The following RAPGEF3 variants were observed in gnomAD, a reference collection of about 807,000 sequenced individuals.
The protein encoded by RAPGEF3 is 9330170P05Rik.
RAPGEF3 carries 103 observed loss-of-function variants against 129.8 expected under a neutral mutation model. The observed-to-expected ratio is 0.79, with a 90% confidence interval of 0.68 to 0.93. The LOEUF is 0.93. RAPGEF3 is among the 40% of genes least tolerant of loss of function. RAPGEF3 has a pLI of 0.00. For missense variants in RAPGEF3, 1,117 were observed against 1,207.4 expected, an observed-to-expected ratio of 0.93 and a Z score of 1.11; for synonymous variants, 436 against 482.6, an observed-to-expected ratio of 0.90 and a Z score of 1.26.
At position 47,750,414 on chromosome 12, in the gene RAPGEF3, C is replaced by T. The variant is rs779519570; in HGVS notation, c.683G>A (p.Arg228His). ...GATGAGGTCCAGCTCTTCATCCGTG[C>T]GCTGACCTGGGCTGCAGGGACAGGA... ...TVALRKPPGQ[R>H]TDEELDLIFE... Residue 228 changes from arginine (R) to histidine (H), a missense_variant, in exon 7 of 28, where the codon CGC (arginine) becomes CAC (histidine). Transcript: ENST00000449771. The T allele has an allele frequency of 1.4e-5, 22 of 1,613,512 alleles. No individual in the cohort carries two copies. Among genetic ancestry groups the T allele is most frequent in the African/African-American group, 4.0e-5 (3 of 74,900 alleles).
intron 25 of RAPGEF3, 39 bp from the exon 26 acceptor site, chr12:47,738,286 A>G (rs1195442238): frequency 6.2e-7 from 1 of 1,609,918 alleles, no homozygotes; most frequent in East Asian, 2.2e-5. Flanking sequence ...TGCCTGAGGG[A>G]GAAACCCTGT....
rs757859331 is a variant in RAPGEF3 at position 47,751,082 on chromosome 12, G to GC, written c.636dup (p.Pro213AlafsTer2). The GC allele has an allele frequency of 6.3e-7, 1 of 1,594,434 alleles. No homozygotes were observed. The highest frequency in any genetic ancestry group is 8.5e-7 in the Non-Finnish European group (1 of 1,171,536). On this transcript the variant is annotated frameshift_variant, in exon 6 of 28. Transcript: ENST00000449771. LOFTEE classifies it high-confidence loss of function. ...AGTGCCACAGTGAGCAGGGCGTCAG[G>GC]CCCCCGCTGGGAGAGCAGGGCCACA... is the stretch of plus-strand genomic sequence containing the variant.
In RAPGEF3 at chr12:47,751,809, G is replaced by C; in HGVS notation, c.294C>G (p.Leu98=). Reference sequence around the variant, plus strand: ...GCCGATGCAGCTGCCTCCCAGCCCTGAGCACCCGCTCTGTGGAGGCCTTAG... The same window carrying C: ...GCCGATGCAGCTGCCTCCCAGCCCTCAGCACCCGCTCTGTGGAGGCCTTAG... ...SLEQASTERV[L]RAGRQLHRHL... is the part of the protein sequence containing the mutation. The change falls in exon 4 of 28, where the codon CTC becomes CTG. Residue 98 remains leucine (L), a synonymous_variant. Transcript: ENST00000449771. The C allele has an allele frequency of 6.2e-7, 1 of 1,614,180 alleles. No homozygotes were observed. The highest frequency in any genetic ancestry group is 1.7e-5 in the Admixed American group (1 of 60,036).
At chr12:47,744,258 CACA>C (rs1291400451) in intron 16 of RAPGEF3, 190 bp from the exon 17 acceptor site, 11 of 602,696 alleles carry the variant, frequency 1.8e-5, no homozygotes, top group Non-Finnish European at 3.3e-5. Flanking sequence ...CAGGAGAAGA[CACA>C]ACATGTCTAA....
At position 47,738,223 on chromosome 12, in the gene RAPGEF3, T is replaced by C. The variant is rs775014528; in HGVS notation, c.2551A>G (p.Met851Val). 10 of 1,613,410 alleles carry C rather than the reference T, an allele frequency of 6.2e-6. No homozygotes were observed. In the East Asian group the frequency reaches 2.2e-4, roughly 36 times the overall value. ...KMRMMARAAR[M>V]LHHCRSHNPV... is the part of the protein sequence containing the mutation. ...TTGTGGCTTCGGCAGTGGTGCAGCA[T>C]CCGCGCGGCTCTGGCCATCATTCTC... is the stretch of plus-strand genomic sequence containing the variant. The change falls in exon 26 of 28, where the codon ATG (methionine) becomes GTG (valine). Residue 851 changes from methionine (M) to valine (V), a missense_variant. Met to Val is a conservative substitution (Grantham distance 21). Around this residue, in one of 3 missense-constraint regions of RAPGEF3, gnomAD observed 643 missense variants for 673.4 expected, o/e 0.95. Transcript: ENST00000449771.
At chr12:47,756,822 A>G (rs551256980) in intron 2 of RAPGEF3, among the ~76,000 whole-genome samples, 1 of 152,268 alleles carries the variant, frequency 6.6e-6, no homozygotes, top group Admixed American at 6.5e-5. Flanking sequence ...TACAAAAATT[A>G]GCTGGGCGTG....
Position 47,743,631 on chromosome 12 carries a change from TGCAGGGTCAACACTGAGTGGTCTGGCCG to T in RAPGEF3, c.1696_1723del (p.Arg566SerfsTer4). ...TCTCACGGAGGCTGTCACAGGCAGC[TGCAGGGTCAACACTGAGTGGTCTGGCCG>T]GCAGATGTCATAGGGGACTGAAGAG... On this transcript the variant is annotated frameshift_variant, in exon 18 of 28. Transcript: ENST00000449771. LOFTEE classifies it high-confidence loss of function. The T allele has an allele frequency of 1.2e-6, 2 of 1,613,782 alleles. No homozygotes were observed. The highest frequency in any genetic ancestry group is 2.2e-5 in the South Asian group (2 of 91,074).
chr12:47,750,119 T>C lies in RAPGEF3; in HGVS notation c.757-129A>G, dbSNP rs531138970. 1.5e-4 allele frequency: 182 copies of C among 1,215,132 alleles called. 1 individual carries two copies. In the African/African-American group the frequency reaches 2.5e-3, roughly 17 times the overall value. 75.3% of individuals were successfully genotyped at this position (1,215,132 alleles called of 1,614,324 possible). A position where few individuals can be genotyped will look rare whatever the true frequency, so the allele number is the denominator to read the frequency against. ...ACAAAGATGTGGCCAGGTCAGGTGTTCCCAGGATTCAGCAGGAGACAAAGC... is the reference window on the plus strand; with the variant it reads ...ACAAAGATGTGGCCAGGTCAGGTGTCCCCAGGATTCAGCAGGAGACAAAGC... On this transcript the variant is annotated intron_variant, in intron 7 of 27. Coordinates refer to ENST00000449771, the MANE Select transcript of RAPGEF3 (RefSeq NM_001098531.4).
At chr12:47,746,980 C>A in intron 15 of RAPGEF3, 81 bp from the exon 16 acceptor site, 2 of 1,355,404 alleles carry the variant, frequency 1.5e-6, no homozygotes, top group Non-Finnish European at 1.0e-6. Flanking sequence ...GCTCTGGATT[C>A]TCCCCGGCCC....
At position 47,740,375 on chromosome 12, in the gene RAPGEF3, A is replaced by C; in HGVS notation, c.2252T>G (p.Leu751Arg). The change falls in exon 22 of 28, where the codon CTC becomes CGC. Residue 751 changes from leucine (L) to arginine (R), a missense_variant. Leu to Arg is a moderately radical substitution (Grantham distance 102). Coordinates refer to ENST00000449771, the MANE Select transcript of RAPGEF3 (RefSeq NM_001098531.4). ...AAACATGACGGCAAAGAAGGAATTG[A>C]GATTCTTCTGCTCCTTGAGGCTGTG... ...LAAHLKEQKN[L>R]NSFFAVMFGL... 25 of 1,614,038 alleles carry C rather than the reference A, an allele frequency of 1.5e-5. No individual in the cohort carries two copies. The highest frequency in any genetic ancestry group is 2.0e-5 in the Non-Finnish European group (24 of 1,180,016).
intron 4 of RAPGEF3, 91 bp from the exon 5 acceptor site, chr12:47,751,611 A>C (rs1419896924): frequency 1.9e-6 from 3 of 1,600,728 alleles, no homozygotes; most frequent in Non-Finnish European, 2.6e-6. Context: ...CTGAGGCCCA[A>C]GCCTGGTTCG....
At chr12:47,740,276 C>T in intron 22 of RAPGEF3, 29 bp downstream of exon 22, 1 of 1,613,314 alleles carries the variant, frequency 6.2e-7, no homozygotes, top group South Asian at 1.1e-5. Context: ...GGCCTGACCT[C>T]AGGAGGGGGC....
chr12:47,748,977 T>C (rs1178790555), intron 10 of RAPGEF3, 46 bp from the exon 11 acceptor site: 2 of 1,464,266 alleles, frequency 1.4e-6, no homozygotes, highest in Non-Finnish European at 1.9e-6. Context: ...ATGTTCCAGC[T>C]TTAGACCCTC....
intron 2 of RAPGEF3, among the ~76,000 whole-genome samples, chr12:47,757,532 C>T (rs532410697): frequency 5.7e-4 from 87 of 152,300 alleles, no homozygotes; most frequent in African/African-American, 2.0e-3. Flanking sequence ...ACCCGGCCCC[C>T]ATACCTCCCA....
Position 47,749,878 on chromosome 12 carries a change from T to G in RAPGEF3, c.817+52A>C. 6.2e-7 allele frequency: 1 copy of G among 1,613,808 alleles called. No homozygotes were observed. The highest frequency in any genetic ancestry group is 8.5e-7 in the Non-Finnish European group (1 of 1,179,666). On this transcript the variant is annotated intron_variant, in intron 8 of 27. Coordinates refer to ENST00000449771, the MANE Select transcript of RAPGEF3 (RefSeq NM_001098531.4). This position sits in a 1 kb window ranked among gnomAD's most constrained non-coding sequence, Gnocchi z 4.5. Reference sequence around the variant, plus strand: ...CACCTACCATTCCTTCACACATCCTTCTGCCCATGTCCAGGCCCTGTGCCT... The same window carrying G: ...CACCTACCATTCCTTCACACATCCTGCTGCCCATGTCCAGGCCCTGTGCCT...
Position 47,750,107 on chromosome 12 carries a change from C to G in RAPGEF3, c.757-117G>C. On this transcript the variant is annotated intron_variant, in intron 7 of 27. Transcript: ENST00000449771. ...AAGTGCTGGGGGACAAAGATGTGGC[C>G]AGGTCAGGTGTTCCCAGGATTCAGC... 4 of 1,280,288 alleles carry G rather than the reference C, an allele frequency of 3.1e-6. No homozygotes were observed. The South Asian group carries it at 4.8e-5, about 15-fold the overall frequency. 79.3% of individuals were successfully genotyped at this position (1,280,288 alleles called of 1,614,324 possible).
At chr12:47,740,454 C>G in intron 21 of RAPGEF3, 59 bp from the exon 22 acceptor site, 1 of 1,556,104 alleles carries the variant, frequency 6.4e-7, no homozygotes, top group South Asian at 1.1e-5. Context: ...CCTACAGTGC[C>G]CCCAGACAAC....
In RAPGEF3 at chr12:47,735,420, T is replaced by A. The variant is rs1489574766; in HGVS notation, c.*2147A>T. On this transcript the variant is annotated 3_prime_UTR_variant, in exon 28 of 28. Transcript: ENST00000449771. Reference sequence around the variant, plus strand: ...TGGGGCCACCGTAACATGGAGCCTTTCCCCGCTTTTGGGCCTCCTGTCCTC... The same window carrying A: ...TGGGGCCACCGTAACATGGAGCCTTACCCCGCTTTTGGGCCTCCTGTCCTC... 2 of 152,270 alleles carry A rather than the reference T, an allele frequency of 1.3e-5. No individual in the cohort carries two copies. The highest frequency in any genetic ancestry group is 4.8e-5 in the African/African-American group (2 of 41,412). 9.4% of individuals were successfully genotyped at this position (152,270 alleles called of 1,614,324 possible).
chr12:47,737,584 G>C lies in RAPGEF3; in HGVS notation c.2755C>G (p.Arg919Gly), dbSNP rs372112971. Reference protein sequence around the residue: ...DNQRELSRLSRELEP With the variant: ...DNQRELSRLSGELEP ...GCCCCTCCTCATGGCTCCAGCTCTCGGGAGAGGCGGGAGAGTTCCCGCTGG... is the reference window on the plus strand; with the variant it reads ...GCCCCTCCTCATGGCTCCAGCTCTCCGGAGAGGCGGGAGAGTTCCCGCTGG... Residue 919 changes from arginine to glycine, a missense_variant, in exon 28 of 28, where the codon CGA becomes GGA. Coordinates refer to ENST00000449771, the MANE Select transcript of RAPGEF3 (RefSeq NM_001098531.4). 6.3e-7 allele frequency: 1 copy of C among 1,591,358 alleles called. No homozygotes were observed. The highest frequency in any genetic ancestry group is 8.6e-7 in the Non-Finnish European group (1 of 1,169,412).
Sources: gnomAD v4.1 joint callset for allele counts (sites outside exome capture counted in the v4.1 genomes callset) on GRCh38, gnomAD v4.1.1 for gene constraint, gnomAD v4.1.1 regional missense constraint, Gnocchi (gnomAD v3.1) non-coding constraint, MANE v1.5 for transcripts, NCBI Gene and HGNC (gene_info 2026-07-23, HGNC 2026-07-21) for gene names.